Variants in SSBP3 observed in about 807,000 individuals in gnomAD.
The protein encoded by SSBP3 is single stranded DNA binding protein 3.
Under a neutral mutation model 69.6 loss-of-function variants are expected in SSBP3, and 5 were observed. That is an observed-to-expected ratio of 0.07 (90% CI 0.04 to 0.15). The LOEUF is 0.15. SSBP3 is among the 10% of genes least tolerant of loss of function. The pLI is 1.00. For missense variants in SSBP3, 312 were observed against 534.0 expected (o/e 0.58, Z 4.10); for synonymous variants, 196 against 193.4 (o/e 1.01, Z -0.11).
chr1:54,334,240 T>C (rs949016824), intron 4 of SSBP3, among the ~76,000 whole-genome samples: 1 of 151,460 alleles, frequency 6.6e-6, no homozygotes, highest in African/African-American at 2.4e-5. Context: ...TAGTTCCAGC[T>C]ACTCAGGAGG....
intron 9 of SSBP3, among the ~76,000 whole-genome samples, chr1:54,249,025 G>C (rs962973190): frequency 5.3e-5 from 8 of 152,106 alleles, no homozygotes; most frequent in Non-Finnish European, 1.5e-5. Context: ...GCTTGGGTGA[G>C]GCCAGGAGAG....
Position 54,316,664 on chromosome 1 carries a change from ATAAAT to A in SSBP3, c.277-35142_277-35138del, listed in dbSNP as rs1331152309. 4.6e-3 allele frequency among the ~76,000 whole-genome samples: 114 copies of A among 24,814 alleles called. 6 individuals carry two copies. The highest frequency in any genetic ancestry group is 0.023 in the Middle Eastern group (1 of 44). The allele number at this position is 24,814 out of a possible 152,430, so 16.3% of individuals were successfully genotyped here. ...CTCCGTCTCAAAAAAAAAAAATAAA[ATAAAT>A]AAATAAATAAATAAATAAATAAATA... On this transcript the variant is annotated intron_variant, in intron 4 of 17. Coordinates refer to ENST00000610401, the Ensembl canonical transcript of SSBP3.
intron 4 of SSBP3, among the ~76,000 whole-genome samples, chr1:54,329,656 T>C (rs1278439478): frequency 5.3e-5 from 8 of 152,256 alleles, no homozygotes; most frequent in Non-Finnish European, 8.8e-5. Flanking sequence ...GACATTTTCC[T>C]GATCTAATTC....
At chr1:54,403,867 C>G (rs1649484432) in intron 3 of SSBP3, among the ~76,000 whole-genome samples, 1 of 152,186 alleles carries the variant, frequency 6.6e-6, no homozygotes, top group Non-Finnish European at 1.5e-5. Flanking sequence ...ATACCCAACA[C>G]AGAGACCAGA....
intron 4 of SSBP3, among the ~76,000 whole-genome samples, chr1:54,397,874 C>G (rs1649006135): frequency 6.6e-6 from 1 of 152,184 alleles, no homozygotes; most frequent in Admixed American, 6.6e-5. Flanking sequence ...CACAACAAAC[C>G]CCCTTCCCAG....
intron 4 of SSBP3, among the ~76,000 whole-genome samples, chr1:54,356,166 C>A (rs188504250): frequency 1.2e-4 from 19 of 152,322 alleles, no homozygotes; most frequent in Non-Finnish European, 1.9e-4. Context: ...TAATTTTTAA[C>A]CCTTTAACTA....
At chr1:54,305,345 G>C (rs888909880) in intron 4 of SSBP3, among the ~76,000 whole-genome samples, 4 of 150,756 alleles carry the variant, frequency 2.7e-5, no homozygotes, top group Admixed American at 2.6e-4. Context: ...ACACCGGCCA[G>C]CACATGGTAG....
At chr1:54,226,706 T>C (rs1298350992) in exon 18 of SSBP3, 1 of 164,848 alleles carries the variant, frequency 6.1e-6, no homozygotes. Flanking sequence ...AGAGGTTGAT[T>C]GGGGTGGGGG....
chr1:54,346,780 A>G (rs1041050364), intron 4 of SSBP3, among the ~76,000 whole-genome samples: 1 of 150,830 alleles, frequency 6.6e-6, no homozygotes. Context: ...GCACCACTGC[A>G]CTCTAGCCTG....
At chr1:54,289,772 A>T (rs1199580847) in intron 4 of SSBP3, among the ~76,000 whole-genome samples, 1 of 151,758 alleles carries the variant, frequency 6.6e-6, no homozygotes, top group Non-Finnish European at 1.5e-5. Context: ...TTAGAGAGCA[A>T]ATCCCTCTAG....
Position 54,295,579 on chromosome 1 carries a change from C to T in SSBP3, c.277-14052G>A, listed in dbSNP as rs114538845. Reference sequence around the variant, plus strand: ...GGGCTCCCTGACCAATTCAGAGAGGCAGGCAATTCACCTCTGACTTGAGCT... The same window carrying T: ...GGGCTCCCTGACCAATTCAGAGAGGTAGGCAATTCACCTCTGACTTGAGCT... On this transcript the variant is annotated intron_variant, in intron 4 of 17. Coordinates refer to ENST00000610401, the Ensembl canonical transcript of SSBP3. Among the ~76,000 whole-genome samples, 1,125 of 152,280 alleles carry T rather than the reference C, an allele frequency of 7.4e-3. 10 individuals carry two copies. The highest frequency in any genetic ancestry group is 0.026 in the African/African-American group (1,063 of 41,544).
At chr1:54,267,924 G>T (rs1645129038) in intron 5 of SSBP3, among the ~76,000 whole-genome samples, 1 of 152,162 alleles carries the variant, frequency 6.6e-6, no homozygotes, top group Non-Finnish European at 1.5e-5. Flanking sequence ...TAAAGACAGG[G>T]TCTTGCTATG....
chr1:54,316,722 A>G (rs1646121275), intron 4 of SSBP3, among the ~76,000 whole-genome samples: 1 of 149,852 alleles, frequency 6.7e-6, no homozygotes, highest in Non-Finnish European at 1.5e-5. Context: ...AATAAAATAA[A>G]ATAAAATAAA....
intron 9 of SSBP3, among the ~76,000 whole-genome samples, chr1:54,245,928 C>A (rs1644727251): frequency 6.6e-6 from 1 of 152,228 alleles, no homozygotes. Context: ...TAAATCGTCA[C>A]AATGACCCCT....
chr1:54,259,883 T>C (rs1333192836), intron 5 of SSBP3, among the ~76,000 whole-genome samples: 3 of 152,280 alleles, frequency 2.0e-5, no homozygotes, highest in Admixed American at 6.5e-5. Flanking sequence ...TGTGTCTTTC[T>C]AGCGGCTGCC....
At chr1:54,227,241 G>T in intron 17 of SSBP3, 81 bp from the exon 18 acceptor site, 1 of 851,330 alleles carries the variant, frequency 1.2e-6, no homozygotes, top group South Asian at 1.4e-5. Context: ...AGAGCCTGGG[G>T]TGACTGCACA....
At chr1:54,389,121 C>A (rs213491) in intron 4 of SSBP3, among the ~76,000 whole-genome samples, 1,727 of 152,266 alleles carry the variant, frequency 0.011, 24 homozygotes, top group African/African-American at 0.04. Context: ...GTTCTACCAA[C>A]CTGGTGTGCT....
chr1:54,347,195 T>C (rs1314092995), intron 4 of SSBP3, among the ~76,000 whole-genome samples: 1 of 152,188 alleles, frequency 6.6e-6, no homozygotes, highest in African/African-American at 2.4e-5. Context: ...CTTGAATTCC[T>C]GACTTCAAGC....
intron 4 of SSBP3, among the ~76,000 whole-genome samples, chr1:54,303,461 A>C (rs1645841035): frequency 6.6e-6 from 1 of 152,066 alleles, no homozygotes; most frequent in Admixed American, 6.5e-5. Context: ...ATTTCCCCTC[A>C]CTATGCACTG....
Sources: gnomAD v4.1 joint callset for allele counts (sites outside exome capture counted in the v4.1 genomes callset) on GRCh38, gnomAD v4.1.1 for gene constraint, MANE v1.5 for transcripts, NCBI Gene and HGNC (gene_info 2026-07-23, HGNC 2026-07-21) for gene names.